The following LRP1B variants were observed in gnomAD, a reference collection of about 807,000 sequenced individuals.
The protein encoded by LRP1B is low-density lipoprotein receptor-related protein 1B.
In LRP1B, 217 loss-of-function variants were observed where a neutral mutation model predicts 556.6. The ratio of observed to expected loss-of-function variants is 0.39; its 90% CI spans 0.35 to 0.44. The LOEUF is 0.44. Among genes scored for constraint, LRP1B ranks in the 20% least tolerant of loss-of-function variants. LRP1B has a pLI of 1.00. For synonymous variants in LRP1B, 2,047 were observed against 1,865.8 expected, an observed-to-expected ratio of 1.10 and a Z score of -2.50; for missense variants, 5,053 against 5,620.8, an observed-to-expected ratio of 0.90 and a Z score of 3.23.
rs1696123554 is a variant in LRP1B at position 141,804,949 on chromosome 2, G to A, written c.205+5330C>T. 5.3e-5 allele frequency among the ~76,000 whole-genome samples: 8 copies of A among 152,190 alleles called. 1 individual carries two copies. In the South Asian group the frequency reaches 1.7e-3, roughly 32 times the overall value. ...TCTCCTATGCAGCAGAAGCCAAGGA[G>A]GAGAGTGAAGGGACACTGTGGTACA... is the stretch of plus-strand genomic sequence containing the variant. On this transcript the variant is annotated intron_variant, in intron 2 of 90. Transcript: ENST00000389484.
At chr2:141,472,678 A>T (rs2105071951) in intron 3 of LRP1B, among the ~76,000 whole-genome samples, 1 of 152,336 alleles carries the variant, frequency 6.6e-6, no homozygotes, top group South Asian at 2.1e-4. Flanking sequence ...ATGTAACTTC[A>T]TTTGAAACCA....
intron 66 of LRP1B, among the ~76,000 whole-genome samples, chr2:140,438,177 TA>T (rs1181399894): frequency 1.3e-5 from 2 of 152,088 alleles, no homozygotes; most frequent in African/African-American, 4.8e-5. Flanking sequence ...TTTTTAAATA[TA>T]ATTTTTTGTA....
intron 35 of LRP1B, among the ~76,000 whole-genome samples, chr2:140,766,113 T>C (rs1689095415): frequency 6.6e-6 from 1 of 151,736 alleles, no homozygotes; most frequent in Non-Finnish European, 1.5e-5. Context: ...CTGGGGTAAA[T>C]GTCATTAATG....
chr2:141,256,346 T>G (rs1684464969), intron 3 of LRP1B, among the ~76,000 whole-genome samples: 1 of 151,904 alleles, frequency 6.6e-6, no homozygotes. Flanking sequence ...AACGCTGCAT[T>G]GCTAACCTAT....
chr2:141,815,623 A>T (rs1030067588), intron 1 of LRP1B, among the ~76,000 whole-genome samples: 1 of 152,204 alleles, frequency 6.6e-6, no homozygotes, highest in African/African-American at 2.4e-5. Context: ...AAAAGTAGCC[A>T]CTTGGAGGGA....
chr2:141,660,618 C>T (rs552850947), intron 2 of LRP1B, among the ~76,000 whole-genome samples: 28 of 152,230 alleles, frequency 1.8e-4, no homozygotes, highest in African/African-American at 6.7e-4. Context: ...CTGGGAAGGG[C>T]CTCCCTGCAA....
chr2:141,362,808 T>C (rs1688878154), intron 3 of LRP1B, among the ~76,000 whole-genome samples: 1 of 149,336 alleles, frequency 6.7e-6, no homozygotes, highest in Non-Finnish European at 1.5e-5. Flanking sequence ...AGCATTCACT[T>C]GCATTAATTA....
intron 2 of LRP1B, among the ~76,000 whole-genome samples, chr2:141,744,294 C>T (rs62168665): frequency 0.079 from 11,984 of 152,014 alleles, 545 homozygotes; most frequent in South Asian, 0.13. Context: ...GTATAGTTTC[C>T]AAAATTCCTA....
intron 1 of LRP1B, among the ~76,000 whole-genome samples, chr2:141,984,394 T>C (rs1344412233): frequency 2.0e-5 from 3 of 151,996 alleles, no homozygotes; most frequent in African/African-American, 4.8e-5. Context: ...TTTAAGAGTT[T>C]GACAGAAACA....
intron 41 of LRP1B, among the ~76,000 whole-genome samples, chr2:140,630,989 T>C (rs1253416320): frequency 6.6e-6 from 1 of 152,190 alleles, no homozygotes; most frequent in Non-Finnish European, 1.5e-5. Flanking sequence ...CTTGTTACTA[T>C]AACCAGAGTG....
At chr2:140,326,192 C>A (rs1680466276) in intron 79 of LRP1B, among the ~76,000 whole-genome samples, 1 of 152,038 alleles carries the variant, frequency 6.6e-6, no homozygotes, top group Admixed American at 6.6e-5. Flanking sequence ...CTCTAATAGA[C>A]TTTTCTTTAA....
At chr2:140,923,243 CT>C in intron 20 of LRP1B, 96 bp from the exon 21 acceptor site, 2 of 918,318 alleles carry the variant, frequency 2.2e-6, no homozygotes, top group South Asian at 1.7e-5. Context: ...ACATTTTTTT[CT>C]TTCTTCAGGC....
At chr2:141,885,682 A>T (rs1699090685) in intron 1 of LRP1B, among the ~76,000 whole-genome samples, 1 of 152,218 alleles carries the variant, frequency 6.6e-6, no homozygotes, top group Non-Finnish European at 1.5e-5. Flanking sequence ...ATATAGGTAC[A>T]GTGAGTGACT....
chr2:141,471,495 C>T (rs1682472394), intron 3 of LRP1B, among the ~76,000 whole-genome samples: 1 of 152,070 alleles, frequency 6.6e-6, no homozygotes, highest in Non-Finnish European at 1.5e-5. Flanking sequence ...TGCACTTATG[C>T]CTCTGTATAT....
chr2:141,954,204 G>T (rs1213447479), intron 1 of LRP1B, among the ~76,000 whole-genome samples: 5 of 151,870 alleles, frequency 3.3e-5, no homozygotes, highest in Admixed American at 2.0e-4. Context: ...ATTGGTTTTG[G>T]AGTCCTATAG....
chr2:142,017,955 C>CTTTTTTTTTT (rs11431816), intron 1 of LRP1B, among the ~76,000 whole-genome samples: 1 of 147,262 alleles, frequency 6.8e-6, no homozygotes. Context: ...CTGACACGCT[C>CTTTTTTTTTT]TTTTTTTTTT....
At chr2:140,688,162 C>T (rs1686115086) in intron 41 of LRP1B, among the ~76,000 whole-genome samples, 1 of 151,624 alleles carries the variant, frequency 6.6e-6, no homozygotes, top group Non-Finnish European at 1.5e-5. Context: ...TACACAGAAA[C>T]ATGGGGTTAT....
In LRP1B at chr2:141,110,516, T is replaced by C. The variant is rs114785088; in HGVS notation, c.1014-48243A>G. Among the ~76,000 whole-genome samples the C allele has an allele frequency of 7.6e-4, 116 of 152,228 alleles. 1 individual carries two copies. The highest frequency in any genetic ancestry group is 2.4e-3 in the Admixed American group (36 of 15,288). On this transcript the variant is annotated intron_variant, in intron 7 of 90. Transcript: ENST00000389484. ...CAAGGGCTAATGTTAGGAGCTTATATATCTAATTTAATAGGGAAAAGCGAA... is the reference window on the plus strand; with the variant it reads ...CAAGGGCTAATGTTAGGAGCTTATACATCTAATTTAATAGGGAAAAGCGAA...
At chr2:141,493,544 G>T (rs576661360) in intron 2 of LRP1B, among the ~76,000 whole-genome samples, 1 of 152,104 alleles carries the variant, frequency 6.6e-6, no homozygotes, top group Non-Finnish European at 1.5e-5. Flanking sequence ...ATGAACTCTG[G>T]CTGTGGGAGA....
Sources: gnomAD v4.1 joint callset for allele counts (sites outside exome capture counted in the v4.1 genomes callset) on GRCh38, gnomAD v4.1.1 for gene constraint, MANE v1.5 for transcripts, NCBI Gene and HGNC (gene_info 2026-07-23, HGNC 2026-07-21) for gene names.